Variants in ARID4B observed in about 807,000 individuals in gnomAD.
ARID4B encodes the protein AT-rich interaction domain 4B.
Under a neutral mutation model 147.5 loss-of-function variants are expected in ARID4B, and 26 were observed. The ratio of observed to expected loss-of-function variants is 0.18; its 90% CI spans 0.13 to 0.24. The LOEUF is 0.24. Ranked by LOEUF, ARID4B falls within the 10% of genes least tolerant of loss-of-function variation. The pLI, the probability that ARID4B is intolerant of heterozygous loss-of-function variation, is 1.00. For missense variants in ARID4B, 1,179 were observed against 1,511.5 expected (o/e 0.78, Z 3.65); for synonymous variants, 512 against 507.9 (o/e 1.01, Z -0.11).
intron 7 of ARID4B, among the ~76,000 whole-genome samples, chr1:235,245,796 C>A (rs1015443958): frequency 6.6e-6 from 1 of 152,022 alleles, no homozygotes; most frequent in African/African-American, 2.4e-5. Flanking sequence ...TTAATTTTCA[C>A]AACAACACTA....
At chr1:235,229,830 G>A (rs1668087383) in intron 10 of ARID4B, among the ~76,000 whole-genome samples, 1 of 152,088 alleles carries the variant, frequency 6.6e-6, no homozygotes, top group South Asian at 2.1e-4. Flanking sequence ...ATTTTCAGTT[G>A]AACTTCAATT....
chr1:235,200,328 G>T (rs1022069011), intron 17 of ARID4B, among the ~76,000 whole-genome samples: 1 of 152,160 alleles, frequency 6.6e-6, no homozygotes, highest in Non-Finnish European at 1.5e-5. Flanking sequence ...GCGTGGTAGC[G>T]GGCGCCTGTA....
chr1:235,303,786 C>T (rs58668760), intron 2 of ARID4B, among the ~76,000 whole-genome samples: 4,239 of 152,168 alleles, frequency 0.028, 222 homozygotes, highest in African/African-American at 0.097. Context: ...AATCTGACTT[C>T]CAAAAATTAG....
intron 5 of ARID4B, among the ~76,000 whole-genome samples, chr1:235,255,220 T>TATATATATATATATAGAGAGAGAGAA (rs1264196304): frequency 1.6e-5 from 1 of 62,350 alleles, no homozygotes; most frequent in Non-Finnish European, 4.0e-5. Context: ...TGCTGGGAGC[T>TATATATATATATATAGAGAGAGAGAA]AGATAGATAG....
At chr1:235,171,402 C>T (rs1193017092) in intron 23 of ARID4B, among the ~76,000 whole-genome samples, 2 of 152,046 alleles carry the variant, frequency 1.3e-5, no homozygotes, top group Non-Finnish European at 2.9e-5. Context: ...CACTGCACTC[C>T]AGCCTGGGCG....
chr1:235,307,461 A>G (rs1438324244), intron 2 of ARID4B, among the ~76,000 whole-genome samples: 1 of 152,194 alleles, frequency 6.6e-6, no homozygotes, highest in Non-Finnish European at 1.5e-5. Context: ...AAAAAAGAAA[A>G]AGGAAAAAGA....
At chr1:235,187,097 T>G (rs1664743056) in intron 19 of ARID4B, 4 of 314,456 alleles carry the variant, frequency 1.3e-5, no homozygotes, top group Non-Finnish European at 2.4e-5. Flanking sequence ...TTTTTTTTTT[T>G]GTAGACGGAG....
chr1:235,234,504 AAGG>A lies in ARID4B; in HGVS notation c.586-15_586-13del. 6.4e-7 allele frequency: 1 copy of A among 1,572,814 alleles called. No individual in the cohort carries two copies. The highest frequency in any genetic ancestry group is 8.7e-7 in the Non-Finnish European group (1 of 1,146,678). On this transcript the variant is annotated splice_polypyrimidine_tract_variant and intron_variant, in intron 8 of 23. Coordinates refer to ENST00000264183, the MANE Select transcript of ARID4B (RefSeq NM_016374.6). ...TCAGGACAAACCACCTTTTAAGAAA[AAGG>A]GTGAAGCTATTATAACTAAAAGAAC...
chr1:235,213,031 G>A (rs1666808426), intron 17 of ARID4B, among the ~76,000 whole-genome samples: 1 of 152,052 alleles, frequency 6.6e-6, no homozygotes, highest in Non-Finnish European at 1.5e-5. Context: ...AAAGATAACT[G>A]AATGAATAGA....
At chr1:235,324,443 T>G (rs776663987) in intron 2 of ARID4B, among the ~76,000 whole-genome samples, 13 of 152,234 alleles carry the variant, frequency 8.5e-5, no homozygotes, top group Non-Finnish European at 1.6e-4. Flanking sequence ...ACACTTCAAC[T>G]TTAAAACAAC....
chr1:235,239,897 G>C (rs1177383809), intron 8 of ARID4B, among the ~76,000 whole-genome samples: 1 of 152,118 alleles, frequency 6.6e-6, no homozygotes, highest in African/African-American at 2.4e-5. Context: ...TGATTATATA[G>C]GGAGTACCTA....
chr1:235,233,568 T>C (rs1196875647), intron 9 of ARID4B, among the ~76,000 whole-genome samples: 4 of 152,236 alleles, frequency 2.6e-5, no homozygotes, highest in Admixed American at 2.6e-4. Flanking sequence ...GTATAAAATA[T>C]CTGGCTTCTC....
Position 235,220,902 on chromosome 1 carries a change from T to C in ARID4B, c.1164-357A>G, listed in dbSNP as rs56997617. Among the ~76,000 whole-genome samples, 49 of 152,094 alleles carry C rather than the reference T, an allele frequency of 3.2e-4. 1 individual carries two copies. The East Asian group carries it at 9.4e-3, about 29-fold the overall frequency. Reference sequence around the variant, plus strand: ...GCATCCTTTTTTTGTTTTTTTTTGTTTTTTTTTGTTTTTTTGAGACAGCCT... The same window carrying C: ...GCATCCTTTTTTTGTTTTTTTTTGTCTTTTTTTGTTTTTTTGAGACAGCCT... On this transcript the variant is annotated intron_variant, in intron 14 of 23. Transcript: ENST00000264183.
intron 2 of ARID4B, among the ~76,000 whole-genome samples, chr1:235,274,558 T>C (rs959052431): frequency 6.6e-6 from 1 of 152,188 alleles, no homozygotes; most frequent in Admixed American, 6.5e-5. Flanking sequence ...ATAAAGTATA[T>C]ACCTTTTGAA....
chr1:235,268,231 G>A (rs2103134841), intron 2 of ARID4B, among the ~76,000 whole-genome samples: 1 of 152,208 alleles, frequency 6.6e-6, no homozygotes, highest in South Asian at 2.1e-4. Flanking sequence ...TGAATATAGT[G>A]GGGGCCATGT....
At chr1:235,226,666 C>T (rs1209408061) in intron 11 of ARID4B, among the ~76,000 whole-genome samples, 3 of 152,264 alleles carry the variant, frequency 2.0e-5, no homozygotes, top group Non-Finnish European at 1.5e-5. Context: ...GGACTACAGG[C>T]GTCCACCACC....
At chr1:235,232,090 T>C (rs1668274664) in intron 9 of ARID4B, among the ~76,000 whole-genome samples, 1 of 151,940 alleles carries the variant, frequency 6.6e-6, no homozygotes, top group Admixed American at 6.6e-5. Context: ...CACTGCACTC[T>C]AGCGTAGGCA....
At chr1:235,314,603 G>T (rs1169952587) in intron 2 of ARID4B, among the ~76,000 whole-genome samples, 1 of 151,996 alleles carries the variant, frequency 6.6e-6, no homozygotes, top group African/African-American at 2.4e-5. Context: ...TTAAGAGAGG[G>T]GACAAGTAGA....
intron 8 of ARID4B, among the ~76,000 whole-genome samples, chr1:235,236,833 A>AATATAT (rs1553299956): frequency 1.5e-3 from 51 of 33,514 alleles, no homozygotes; most frequent in African/African-American, 1.8e-3. Flanking sequence ...TTTTATAAAA[A>AATATAT]ATATATATAT....
Sources: gnomAD v4.1 joint callset for allele counts (sites outside exome capture counted in the v4.1 genomes callset) on GRCh38, gnomAD v4.1.1 for gene constraint, MANE v1.5 for transcripts, NCBI Gene and HGNC (gene_info 2026-07-23, HGNC 2026-07-21) for gene names.